ROR2: variants seen among roughly 807,000 people sequenced by gnomAD.
The protein encoded by ROR2 is tyrosine-protein kinase transmembrane receptor ROR2.
ROR2 carries 33 observed loss-of-function variants against 74.9 expected under a neutral mutation model. That is an observed-to-expected ratio of 0.44 (90% CI 0.33 to 0.59). ROR2 has a LOEUF of 0.59. Ranked by LOEUF, ROR2 falls within the 20% of genes least tolerant of loss-of-function variation. ROR2 has a pLI of 0.02. For synonymous variants in ROR2, 586 were observed against 558.7 expected (o/e 1.05, Z -0.69); for missense variants, 1,216 against 1,313.8 (o/e 0.93, Z 1.15).
At position 91,921,684 on chromosome 9, in the gene ROR2, T is replaced by C. The variant is rs1831266072; in HGVS notation, c.97+28183A>G. Reference sequence around the variant, plus strand: ...TAGGAGACCAGCCTGGCCAACATGGTGAAAGCCTGTCTCTACTAAAAACAC... The same window carrying C: ...TAGGAGACCAGCCTGGCCAACATGGCGAAAGCCTGTCTCTACTAAAAACAC... On this transcript the variant is annotated intron_variant, in intron 1 of 8. Transcript: ENST00000375708. Among the ~76,000 whole-genome samples, 5 of 152,148 alleles carry C rather than the reference T, an allele frequency of 3.3e-5. No individual in the cohort carries two copies. The South Asian group carries it at 1.0e-3, about 32-fold the overall frequency.
intron 1 of ROR2, among the ~76,000 whole-genome samples, chr9:91,932,363 T>C (rs1180273272): frequency 1.3e-5 from 2 of 151,804 alleles, no homozygotes; most frequent in Non-Finnish European, 2.9e-5. Context: ...AAAACAAATA[T>C]CATAAAAAAA....
chr9:91,943,092 T>C (rs1831921070), intron 1 of ROR2, among the ~76,000 whole-genome samples: 1 of 152,208 alleles, frequency 6.6e-6, no homozygotes, highest in Admixed American at 6.5e-5. Context: ...GTCCCAGACT[T>C]GGCTGCAACT....
At chr9:91,937,468 T>C (rs1194759267) in intron 1 of ROR2, among the ~76,000 whole-genome samples, 1 of 151,798 alleles carries the variant, frequency 6.6e-6, no homozygotes, top group Non-Finnish European at 1.5e-5. Flanking sequence ...GGGGTCTAGA[T>C]GCACCCCAAC....
chr9:91,889,701 C>G (rs1226356081), intron 1 of ROR2, among the ~76,000 whole-genome samples: 2 of 152,202 alleles, frequency 1.3e-5, no homozygotes, highest in African/African-American at 4.8e-5. Context: ...CTCCCTAAAA[C>G]TGGGCCAAGG....
intron 1 of ROR2, among the ~76,000 whole-genome samples, chr9:91,806,923 A>C (rs774915395): frequency 9.9e-5 from 15 of 152,170 alleles, no homozygotes; most frequent in Non-Finnish European, 1.9e-4. Context: ...CTCCTTGCTC[A>C]TAATTTTTTG....
At chr9:91,842,894 T>C (rs1828825317) in intron 1 of ROR2, among the ~76,000 whole-genome samples, 1 of 152,228 alleles carries the variant, frequency 6.6e-6, no homozygotes, top group Non-Finnish European at 1.5e-5. Context: ...TCAAGAGGTG[T>C]CTTCCCCCTC....
chr9:91,725,792 C>T (rs1311860863), intron 8 of ROR2, among the ~76,000 whole-genome samples: 1 of 152,138 alleles, frequency 6.6e-6, no homozygotes, highest in African/African-American at 2.4e-5. Context: ...TCATCCTCCC[C>T]AGAGGTTCCT....
chr9:91,906,017 A>ACC (rs1288452374), intron 1 of ROR2, among the ~76,000 whole-genome samples: 430 of 113,054 alleles, frequency 3.8e-3, no homozygotes, highest in African/African-American at 0.016. Flanking sequence ...GAAAAAAAAA[A>ACC]ACCACACACA....
intron 1 of ROR2, among the ~76,000 whole-genome samples, chr9:91,901,792 G>GGCAACAGGGCAA (rs78969458): frequency 1.4e-5 from 2 of 146,736 alleles, no homozygotes; most frequent in Non-Finnish European, 3.0e-5. Flanking sequence ...CTCCAGCCTG[G>GGCAACAGGGCAA]GACTCCATCT....
intron 1 of ROR2, among the ~76,000 whole-genome samples, chr9:91,916,597 C>A (rs1050334483): frequency 6.6e-6 from 1 of 152,198 alleles, no homozygotes; most frequent in African/African-American, 2.4e-5. Context: ...GCCAGCCACT[C>A]CCATCTGGTT....
intron 4 of ROR2, among the ~76,000 whole-genome samples, chr9:91,752,483 C>T (rs762761328): frequency 6.6e-6 from 1 of 152,170 alleles, no homozygotes; most frequent in Non-Finnish European, 1.5e-5. Flanking sequence ...GCTTAAGTGG[C>T]TACATCCTGA....
At chr9:91,930,010 GT>G (rs1831509845) in intron 1 of ROR2, among the ~76,000 whole-genome samples, 1 of 151,944 alleles carries the variant, frequency 6.6e-6, no homozygotes, top group Non-Finnish European at 1.5e-5. Context: ...CTGCACACTA[GT>G]TTTAACTGCA....
chr9:91,742,357 A>G (rs1825282660), intron 4 of ROR2, among the ~76,000 whole-genome samples: 2 of 152,186 alleles, frequency 1.3e-5, no homozygotes, highest in Non-Finnish European at 2.9e-5. Context: ...TCTGGGAGAT[A>G]CAATTCAAGT....
At position 91,813,738 on chromosome 9, in the gene ROR2, CCTCT is replaced by C. The variant is rs200040570; in HGVS notation, c.98-37924_98-37921del. ...ATGAATTCAGGGCCCCCTCTAGAAA[CCTCT>C]CTGAGAGCCCTTTCTGACTCCCTTC... On this transcript the variant is annotated intron_variant, in intron 1 of 8. Coordinates refer to ENST00000375708, the MANE Select transcript of ROR2 (RefSeq NM_004560.4). 7.4e-3 allele frequency among the ~76,000 whole-genome samples: 1,125 copies of C among 152,266 alleles called. 20 individuals are homozygous for C. Among genetic ancestry groups the C allele is most frequent in the African/African-American group, 0.025 (1,058 of 41,544 alleles).
intron 1 of ROR2, among the ~76,000 whole-genome samples, chr9:91,821,153 A>C (rs1828127465): frequency 6.6e-6 from 1 of 151,576 alleles, no homozygotes; most frequent in Admixed American, 6.6e-5. Flanking sequence ...ACAAAGGGAC[A>C]GCCATGTGAG....
At chr9:91,771,274 C>A (rs868141933) in intron 2 of ROR2, among the ~76,000 whole-genome samples, 1 of 152,326 alleles carries the variant, frequency 6.6e-6, no homozygotes, top group Middle Eastern at 3.4e-3. Flanking sequence ...AGCAGACGGG[C>A]GAGCCCACAT....
At chr9:91,902,969 C>A (rs894259922) in intron 1 of ROR2, among the ~76,000 whole-genome samples, 1 of 151,848 alleles carries the variant, frequency 6.6e-6, no homozygotes, top group Non-Finnish European at 1.5e-5. Context: ...ATGGGGGAGG[C>A]ATTATTTAAT....
intron 1 of ROR2, among the ~76,000 whole-genome samples, chr9:91,886,172 G>T (rs564592027): frequency 2.6e-5 from 4 of 152,062 alleles, no homozygotes; most frequent in African/African-American, 9.7e-5. Context: ...TACCGCCCCC[G>T]GCCATGGTTA....
At chr9:91,891,631 G>A (rs145502838) in intron 1 of ROR2, among the ~76,000 whole-genome samples, 3 of 152,290 alleles carry the variant, frequency 2.0e-5, no homozygotes, top group African/African-American at 7.2e-5. Context: ...TCAGGTTGTT[G>A]TCCATATTCC....
Sources: gnomAD v4.1 joint callset for allele counts (sites outside exome capture counted in the v4.1 genomes callset) on GRCh38, gnomAD v4.1.1 for gene constraint, MANE v1.5 for transcripts, NCBI Gene and HGNC (gene_info 2026-07-23, HGNC 2026-07-21) for gene names.